ANK2: variants seen among roughly 807,000 people sequenced by gnomAD.
ANK2 encodes ankyrin-2.
A neutral mutation model predicts 360.5 loss-of-function variants in ANK2; 83 were observed. The ratio of observed to expected loss-of-function variants is 0.23; its 90% CI spans 0.19 to 0.28. The LOEUF is 0.28. Among genes scored for constraint, ANK2 ranks in the 10% least tolerant of loss-of-function variants. The probability of loss-of-function intolerance (pLI) is 1.00; values close to 1 mark genes in which losing one functional copy is unlikely to be tolerated. For missense variants in ANK2, 4,201 were observed against 4,795.7 expected (o/e 0.88, Z 3.66); for synonymous variants, 1,740 against 1,759.5 (o/e 0.99, Z 0.28).
chr4:112,901,634 A>C (rs567983688), intron 1 of ANK2, among the ~76,000 whole-genome samples: 5 of 152,276 alleles, frequency 3.3e-5, no homozygotes, highest in Admixed American at 2.0e-4. Context: ...AGGCTGAGGC[A>C]GGCGGACCAT....
At chr4:113,075,528 A>T (rs2079559714) in intron 1 of ANK2, among the ~76,000 whole-genome samples, 1 of 152,022 alleles carries the variant, frequency 6.6e-6, no homozygotes, top group Non-Finnish European at 1.5e-5. Context: ...ATCTCATTGC[A>T]CACTGGTTTC....
At chr4:112,949,901 A>G (rs528084179) in intron 2 of ANK2, among the ~76,000 whole-genome samples, 24 of 152,236 alleles carry the variant, frequency 1.6e-4, no homozygotes, top group Non-Finnish European at 2.5e-4. Flanking sequence ...TTCTCAATAT[A>G]TAATGAGATA....
At chr4:113,279,627 T>G (rs1239118273) in intron 17 of ANK2, among the ~76,000 whole-genome samples, 1 of 149,414 alleles carries the variant, frequency 6.7e-6, no homozygotes, top group Non-Finnish European at 1.5e-5. Context: ...TATTTAAATT[T>G]TATACATATT....
intron 1 of ANK2, among the ~76,000 whole-genome samples, chr4:113,056,055 TTA>T (rs2069625065): frequency 6.6e-6 from 1 of 152,200 alleles, no homozygotes; most frequent in Non-Finnish European, 1.5e-5. Flanking sequence ...TTTGCTTCCA[TTA>T]TGTTTTGTGC....
At chr4:113,372,705 G>T (rs967862834) in intron 43 of ANK2, 19 of 1,023,868 alleles carry the variant, frequency 1.9e-5, no homozygotes, top group African/African-American at 7.9e-5. Flanking sequence ...ATCAATGAAG[G>T]CTTGGCATGT....
intron 2 of ANK2, among the ~76,000 whole-genome samples, chr4:113,008,653 T>C (rs765603710): frequency 2.0e-5 from 3 of 152,102 alleles, no homozygotes; most frequent in Non-Finnish European, 4.4e-5. Flanking sequence ...AATATATAAA[T>C]GTATCCAAAT....
intron 20 of ANK2, among the ~76,000 whole-genome samples, chr4:113,291,230 A>T (rs2153740491): frequency 6.6e-6 from 1 of 152,340 alleles, no homozygotes; most frequent in Non-Finnish European, 1.5e-5. Context: ...ATGGATGTAA[A>T]CACAACAAAA....
At chr4:113,174,079 C>T (rs2098099874) in intron 1 of ANK2, 1 of 265,502 alleles carries the variant, frequency 3.8e-6, no homozygotes, top group Admixed American at 4.9e-5. Context: ...AATCTTGAAG[C>T]TAAAATGAAT....
intron 1 of ANK2, among the ~76,000 whole-genome samples, chr4:113,099,813 G>A (rs1221896971): frequency 6.6e-6 from 1 of 151,990 alleles, no homozygotes; most frequent in Non-Finnish European, 1.5e-5. Flanking sequence ...GCCCAGAATA[G>A]ATACACACAA....
chr4:112,812,246 G>A, the ANK2 span, among the ~76,000 whole-genome samples: 27 of 152,062 alleles, frequency 1.8e-4, no homozygotes, highest in Non-Finnish European at 3.8e-4. Context: ...AGTATCATTA[G>A]GACTTTTATA....
intron 1 of ANK2, among the ~76,000 whole-genome samples, chr4:112,843,672 ATT>A (rs1046007314): frequency 6.6e-6 from 1 of 151,958 alleles, no homozygotes; most frequent in Admixed American, 6.6e-5. Flanking sequence ...AAAAATGAAA[ATT>A]TTTTTTCTTT....
intron 1 of ANK2, among the ~76,000 whole-genome samples, chr4:113,161,223 G>A (rs1207728827): frequency 1.3e-5 from 2 of 152,210 alleles, no homozygotes; most frequent in Non-Finnish European, 2.9e-5. Context: ...TGTTTTGAAA[G>A]CTGCCTCAGA....
chr4:112,976,792 T>G (rs1156762423), intron 2 of ANK2, among the ~76,000 whole-genome samples: 1 of 152,172 alleles, frequency 6.6e-6, no homozygotes, highest in East Asian at 1.9e-4. Flanking sequence ...TGCTCTACTT[T>G]GAATCTACCT....
intron 1 of ANK2, among the ~76,000 whole-genome samples, chr4:113,138,535 T>G (rs2096526545): frequency 6.6e-6 from 1 of 152,232 alleles, no homozygotes; most frequent in South Asian, 2.1e-4. Flanking sequence ...AACTTAGGTT[T>G]GTTATTGACT....
intron 1 of ANK2, among the ~76,000 whole-genome samples, chr4:113,054,168 G>A (rs1163075306): frequency 6.6e-6 from 1 of 152,126 alleles, no homozygotes; most frequent in Non-Finnish European, 1.5e-5. Flanking sequence ...CCATTTAGTG[G>A]AATAATGATA....
At chr4:112,867,350 T>C (rs2071003850) in intron 1 of ANK2, among the ~76,000 whole-genome samples, 1 of 152,094 alleles carries the variant, frequency 6.6e-6, no homozygotes, top group Admixed American at 6.5e-5. Flanking sequence ...CCTTATGTTT[T>C]TTCCTCCTAT....
intron 14 of ANK2, among the ~76,000 whole-genome samples, chr4:113,268,202 A>G (rs181436365): frequency 6.6e-6 from 1 of 152,270 alleles, no homozygotes. Context: ...GCAAACAGAG[A>G]CAATTTGACT....
chr4:113,262,729 T>C (rs2053649432), intron 13 of ANK2, among the ~76,000 whole-genome samples: 4 of 150,598 alleles, frequency 2.7e-5, no homozygotes, highest in African/African-American at 1.0e-4. Flanking sequence ...TTAGGTATTA[T>C]AAGTAATATA....
intron 2 of ANK2, among the ~76,000 whole-genome samples, chr4:112,911,436 T>C (rs10031906): frequency 0.95 from 144,564 of 151,888 alleles, 68,891 homozygotes; most frequent in East Asian, 1. Flanking sequence ...GGCAGGAGAA[T>C]GGCGTGAACC....
Sources: allele counts gnomAD v4.1 joint callset (sites outside exome capture counted in the v4.1 genomes callset), GRCh38; gene constraint gnomAD v4.1.1; transcripts MANE v1.5; gene names NCBI Gene and HGNC (gene_info 2026-07-23, HGNC 2026-07-21).